The following PRRC2C variants were observed in gnomAD, a reference collection of about 807,000 sequenced individuals.
PRRC2C encodes proline rich coiled-coil 2C.
PRRC2C carries 72 observed loss-of-function variants against 317.2 expected under a neutral mutation model. That is an observed-to-expected ratio of 0.23 (90% confidence interval 0.19 to 0.28). The LOEUF (loss-of-function observed/expected upper bound fraction) is 0.28. Ranked by LOEUF, PRRC2C falls within the 10% of genes least tolerant of loss-of-function variation. The pLI is 1.00. For missense variants in PRRC2C, 3,074 were observed against 3,459.7 expected, an observed-to-expected ratio of 0.89 and a Z score of 2.80; for synonymous variants, 1,296 against 1,205.9, an observed-to-expected ratio of 1.07 and a Z score of -1.55.
rs1677171235 is a variant in PRRC2C at position 171,538,013 on chromosome 1, G to A, written c.2504+540G>A. On this transcript the variant is annotated intron_variant, in intron 15 of 34. Coordinates refer to ENST00000647382, the MANE Select transcript of PRRC2C (RefSeq NM_001387844.1). ...CCTCCCGGGTTCACACCATTCTTCT[G>A]CCTCAGCCTCCTGAGTAGCTGGGAC... 2.0e-5 allele frequency among the ~76,000 whole-genome samples: 3 copies of A among 152,258 alleles called. No homozygotes were observed. In the South Asian group the frequency reaches 6.2e-4, roughly 32 times the overall value.
chr1:171,588,290 A>T, intron 32 of PRRC2C, 89 bp from the exon 33 acceptor site: 3 of 1,422,990 alleles, frequency 2.1e-6, no homozygotes, highest in Non-Finnish European at 2.9e-6. Context: ...ACCAAGTATG[A>T]TGAAAATACC....
intron 20 of PRRC2C, among the ~76,000 whole-genome samples, chr1:171,564,591 G>A (rs908256194): frequency 2.6e-5 from 4 of 152,100 alleles, no homozygotes; most frequent in Admixed American, 2.0e-4. Context: ...ACAGAGATAC[G>A]TCCTGAGAAA....
intron 5 of PRRC2C, among the ~76,000 whole-genome samples, chr1:171,516,769 G>T (rs1672452736): frequency 6.6e-6 from 1 of 152,156 alleles, no homozygotes; most frequent in Non-Finnish European, 1.5e-5. Flanking sequence ...TGACTTGACT[G>T]GGGCTGTACT....
intron 12 of PRRC2C, 80 bp downstream of exon 12, chr1:171,533,041 T>A: frequency 7.8e-7 from 1 of 1,286,872 alleles, no homozygotes; most frequent in South Asian, 1.8e-5. Context: ...TTGTATATTT[T>A]AAATATATGT....
intron 1 of PRRC2C, among the ~76,000 whole-genome samples, chr1:171,499,097 A>G (rs1405795618): frequency 6.6e-6 from 1 of 152,234 alleles, no homozygotes; most frequent in African/African-American, 2.4e-5. Flanking sequence ...GGCTTGAGCC[A>G]TGACACTCAG....
chr1:171,588,858 T>G (rs1017589306), intron 33 of PRRC2C, among the ~76,000 whole-genome samples: 80 of 152,288 alleles, frequency 5.3e-4, no homozygotes, highest in African/African-American at 1.8e-3. Flanking sequence ...GTTAAGATAT[T>G]TATGTGCAAT....
At chr1:171,586,063 A>ATTTTTTTTTT (rs920423722) in intron 30 of PRRC2C, among the ~76,000 whole-genome samples, 2,291 of 82,978 alleles carry the variant, frequency 0.028, 388 homozygotes, top group African/African-American at 0.056. Context: ...TCAGGTGTTG[A>ATTTTTTTTTT]TTTTTTTTTT....
chr1:171,515,130 A>G (rs759059682), intron 4 of PRRC2C, among the ~76,000 whole-genome samples: 9 of 152,244 alleles, frequency 5.9e-5, no homozygotes, highest in Non-Finnish European at 1.2e-4. Context: ...TAGTTTTCCC[A>G]CTTTCGAAAC....
chr1:171,517,133 C>T (rs553902081), intron 5 of PRRC2C, among the ~76,000 whole-genome samples: 230 of 152,270 alleles, frequency 1.5e-3, no homozygotes, highest in Non-Finnish European at 2.6e-3. Flanking sequence ...GATAATTTCA[C>T]GCAATCTGTT....
chr1:171,512,874 A>C, intron 2 of PRRC2C, 121 bp from the exon 3 acceptor site: 3 of 910,858 alleles, frequency 3.3e-6, no homozygotes, highest in Non-Finnish European at 4.7e-6. Context: ...ATTATTTTAA[A>C]ATACATGAAT....
chr1:171,590,129 G>A (rs1273783830), intron 34 of PRRC2C, among the ~76,000 whole-genome samples: 1 of 151,696 alleles, frequency 6.6e-6, no homozygotes, highest in Non-Finnish European at 1.5e-5. Context: ...TTTCCATTAT[G>A]AGTCATCAAA....
intron 26 of PRRC2C, among the ~76,000 whole-genome samples, chr1:171,578,636 G>A (rs979359160): frequency 1.3e-5 from 2 of 152,230 alleles, no homozygotes; most frequent in Non-Finnish European, 2.9e-5. Context: ...GGGAGGCTGA[G>A]GCGGGCAGAT....
chr1:171,573,653 A>G (rs891881015), intron 24 of PRRC2C, among the ~76,000 whole-genome samples: 2 of 142,562 alleles, frequency 1.4e-5, no homozygotes, highest in African/African-American at 5.1e-5. Context: ...AGGGTAAAAT[A>G]TGTACTATGT....
At chr1:171,569,595 G>GATATATATATATATATATATA (rs1558024246) in intron 23 of PRRC2C, among the ~76,000 whole-genome samples, 2 of 25,600 alleles carry the variant, frequency 7.8e-5, no homozygotes, top group African/African-American at 1.2e-4. Flanking sequence ...TATATATATG[G>GATATATATATATATATATATA]TTTTTTTTTT....
chr1:171,537,498 G>C (rs1321656207), intron 15 of PRRC2C, 25 bp downstream of exon 15: 3 of 1,526,574 alleles, frequency 2.0e-6, no homozygotes, highest in Non-Finnish European at 2.7e-6. Flanking sequence ...CAATTTAATA[G>C]ATGATACAGA....
intron 15 of PRRC2C, among the ~76,000 whole-genome samples, chr1:171,538,109 C>T (rs937542305): frequency 6.6e-6 from 1 of 152,012 alleles, no homozygotes; most frequent in Non-Finnish European, 1.5e-5. Flanking sequence ...ACCGTGTTAG[C>T]CAGGATGGTC....
At chr1:171,508,454 A>G (rs1405218183) in intron 1 of PRRC2C, among the ~76,000 whole-genome samples, 2 of 152,238 alleles carry the variant, frequency 1.3e-5, no homozygotes, top group South Asian at 2.1e-4. Context: ...TGATTTGCAT[A>G]TATTAAACCA....
chr1:171,488,231 A>G (rs1474406486), intron 1 of PRRC2C, among the ~76,000 whole-genome samples: 1 of 152,242 alleles, frequency 6.6e-6, no homozygotes, highest in Non-Finnish European at 1.5e-5. Context: ...TTAGTACAGA[A>G]TTGTATTCTT....
chr1:171,488,253 C>G (rs6702990), intron 1 of PRRC2C, among the ~76,000 whole-genome samples: 122,948 of 152,150 alleles, frequency 0.81, 49,791 homozygotes, highest in Middle Eastern at 0.9. Context: ...CAGTGAAGGA[C>G]ATACAAAAAT....
Sources: gnomAD v4.1 joint callset for allele counts (sites outside exome capture counted in the v4.1 genomes callset) on GRCh38, gnomAD v4.1.1 for gene constraint, MANE v1.5 for transcripts, NCBI Gene and HGNC (gene_info 2026-07-23, HGNC 2026-07-21) for gene names.